RYR2: variants seen among roughly 807,000 people sequenced by gnomAD.
The protein encoded by RYR2 is cardiac muscle ryanodine receptor-calcium release channel.
RYR2 carries 227 observed loss-of-function variants against 601.1 expected under a neutral mutation model. The ratio of observed to expected loss-of-function variants is 0.38; its 90% confidence interval spans 0.34 to 0.42. The LOEUF is 0.42. Ranked by LOEUF, RYR2 falls within the 10% of genes least tolerant of loss-of-function variation. The probability of loss-of-function intolerance (pLI) is 1.00; values close to 1 mark genes in which losing one functional copy is unlikely to be tolerated. For synonymous variants in RYR2, 2,223 were observed against 2,175.1 expected (o/e 1.02, Z -0.61); for missense variants, 4,646 against 6,156.5 (o/e 0.75, Z 8.21).
intron 80 of RYR2, among the ~76,000 whole-genome samples, chr1:237,755,597 T>C (rs1692883735): frequency 6.6e-6 from 1 of 152,348 alleles, no homozygotes. Flanking sequence ...ATTTTATTTT[T>C]ATTTTCTTCT....
At position 237,388,116 on chromosome 1, in the gene RYR2, T is replaced by C. The variant is rs1032660273; in HGVS notation, c.706T>C (p.Leu236=). Residue 236 remains leucine, a synonymous_variant, in exon 10 of 105, where the codon TTG becomes CTG. Transcript: ENST00000366574. ...TCTCATTGGTGGTGATGTCCTCAGG[T>C]TGCTGCATGGACACATGGACGAGTG... ...GYLIGGDVLR[L]LHGHMDECLT... is the part of the protein sequence containing the mutation. The C allele has an allele frequency of 6.2e-7, 1 of 1,613,934 alleles. No individual in the cohort carries two copies. The highest frequency in any genetic ancestry group is 1.7e-5 in the Admixed American group (1 of 60,014).
intron 82 of RYR2, among the ~76,000 whole-genome samples, chr1:237,759,178 C>T (rs781302252): frequency 2.6e-5 from 4 of 152,164 alleles, no homozygotes; most frequent in Non-Finnish European, 5.9e-5. Flanking sequence ...CCTCCGCCTC[C>T]TGGGTTCAAG....
intron 2 of RYR2, among the ~76,000 whole-genome samples, chr1:237,310,153 C>A (rs867647568): frequency 6.6e-6 from 1 of 152,178 alleles, no homozygotes; most frequent in South Asian, 2.1e-4. Context: ...GCTGCCAGCA[C>A]GCTGTCACCT....
intron 29 of RYR2, among the ~76,000 whole-genome samples, chr1:237,584,521 C>G (rs2127156): frequency 6.6e-6 from 1 of 151,932 alleles, no homozygotes; most frequent in Non-Finnish European, 1.5e-5. Context: ...TAGAACAGTT[C>G]CTGGCACATG....
intron 18 of RYR2, among the ~76,000 whole-genome samples, chr1:237,492,368 T>C (rs1663457358): frequency 6.6e-6 from 1 of 152,226 alleles, no homozygotes. Flanking sequence ...TATTTTTTAG[T>C]GTTTATTCAT....
rs1668018562 is a variant in RYR2, at chr1:237,530,343, T to A, written c.2823-84T>A. ...AAAAAAAATTGTGCTTTCAAGGTTG[T>A]ATCTCATTGCTACTGCTGCTGTCTT... On this transcript the variant is annotated intron_variant, in intron 24 of 104. Coordinates refer to ENST00000366574, the MANE Select transcript of RYR2 (RefSeq NM_001035.3). 21 of 997,760 alleles carry A rather than the reference T, an allele frequency of 2.1e-5. No individual in the cohort carries two copies. In the South Asian group the frequency reaches 3.0e-4, roughly 14 times the overall value. 61.8% of individuals were successfully genotyped at this position (997,760 alleles called of 1,614,324 possible).
chr1:237,568,333 A>G (rs1672310900), intron 28 of RYR2, among the ~76,000 whole-genome samples: 1 of 152,212 alleles, frequency 6.6e-6, no homozygotes, highest in African/African-American at 2.4e-5. Context: ...GTACCGATTC[A>G]CAATGAAGGT....
In RYR2 at chr1:237,784,613, G is replaced by C. The variant is rs772007722; in HGVS notation, c.12901G>C (p.Val4301Leu). 1 of 1,613,874 alleles carries C rather than the reference G, an allele frequency of 6.2e-7. No individual in the cohort carries two copies. Among genetic ancestry groups the C allele is most frequent in the South Asian group, 1.1e-5 (1 of 91,068 alleles). The change falls in exon 90 of 105, where the codon GTT (valine) becomes CTT (leucine). Residue 4301 changes from valine to leucine, a missense_variant. This residue lies in a region of RYR2 where 364 missense variants were observed against 442.9 expected (regional missense o/e 0.82). Coordinates refer to ENST00000366574, the MANE Select transcript of RYR2 (RefSeq NM_001035.3). The surrounding 1 kb of genome is among the most constrained non-coding windows in gnomAD (Gnocchi z 7.1). Reference protein sequence around the residue: ...FMTLLHFVASVFRGFFRIICS... With the variant: ...FMTLLHFVASLFRGFFRIICS... Reference sequence around the variant, plus strand: ...GACCCTCTTGCACTTCGTGGCCAGCGTTTTCAGAGGCTTTTTCCGCATCAT... The same window carrying C: ...GACCCTCTTGCACTTCGTGGCCAGCCTTTTCAGAGGCTTTTTCCGCATCAT...
chr1:237,110,021 C>T (rs1316774742), intron 1 of RYR2, among the ~76,000 whole-genome samples: 3 of 152,150 alleles, frequency 2.0e-5, no homozygotes, highest in African/African-American at 7.2e-5. Flanking sequence ...AATCCCCCGG[C>T]CCCACTTTCT....
chr1:237,404,695 T>G (rs1016977188), intron 10 of RYR2, among the ~76,000 whole-genome samples: 3 of 152,186 alleles, frequency 2.0e-5, no homozygotes, highest in African/African-American at 7.2e-5. Flanking sequence ...GAAAGAATGT[T>G]GCAAATGTAA....
chr1:237,087,612 T>C (rs773265567), intron 1 of RYR2, among the ~76,000 whole-genome samples: 2 of 152,064 alleles, frequency 1.3e-5, no homozygotes, highest in African/African-American at 2.4e-5. Flanking sequence ...AAGCAGAAAA[T>C]GGCATTCGTA....
In RYR2 at chr1:237,466,787, T is replaced by C. The variant is rs1660132645; in HGVS notation, c.1613-2305T>C. 3.3e-5 allele frequency among the ~76,000 whole-genome samples: 5 copies of C among 152,006 alleles called. No homozygotes were observed. The South Asian group carries it at 1.0e-3, about 31-fold the overall frequency. On this transcript the variant is annotated intron_variant, in intron 16 of 104. Coordinates refer to ENST00000366574, the MANE Select transcript of RYR2 (RefSeq NM_001035.3). ...TTTTGGCCATTTACCATTGGTTGTGTTAGGTAGTATTCTAATTTTTGATAT... is the reference window on the plus strand; with the variant it reads ...TTTTGGCCATTTACCATTGGTTGTGCTAGGTAGTATTCTAATTTTTGATAT...
At chr1:237,646,281 C>T (rs1252532650) in intron 48 of RYR2, among the ~76,000 whole-genome samples, 2 of 151,608 alleles carry the variant, frequency 1.3e-5, no homozygotes, top group African/African-American at 4.8e-5. Flanking sequence ...ACGGAGGTTG[C>T]AGTGAGCCAC....
At chr1:237,442,658 A>G (rs570831888) in intron 13 of RYR2, among the ~76,000 whole-genome samples, 2 of 152,198 alleles carry the variant, frequency 1.3e-5, no homozygotes, top group Non-Finnish European at 2.9e-5. Flanking sequence ...TTAATGTAGA[A>G]CAAATTCTCA....
rs141174004 is a variant in RYR2, at chr1:237,455,763, C to T, written c.1477-837C>T. ...GAGATGACCTATCTAGAGACCTCAA[C>T]GGCACGAAAGCAAAAAAGTATCAAC... On this transcript the variant is annotated intron_variant, in intron 15 of 104. Coordinates refer to ENST00000366574, the MANE Select transcript of RYR2 (RefSeq NM_001035.3). Among the ~76,000 whole-genome samples the T allele has an allele frequency of 3.1e-3, 479 of 152,242 alleles. 8 individuals carry two copies. Among genetic ancestry groups the T allele is most frequent in the African/African-American group, 0.011 (439 of 41,560 alleles).
chr1:237,390,571 G>A (rs946992134), intron 10 of RYR2, among the ~76,000 whole-genome samples: 2 of 151,118 alleles, frequency 1.3e-5, no homozygotes, highest in Non-Finnish European at 2.9e-5. Flanking sequence ...AGCCAGATAT[G>A]ATTGAAAAGT....
chr1:237,177,378 T>C, intron 1 of RYR2, among the ~76,000 whole-genome samples: 1 of 152,244 alleles, frequency 6.6e-6, no homozygotes, highest in South Asian at 2.1e-4. Context: ...GAAGCATTAC[T>C]AACTTTCAGT....
chr1:237,691,394 G>A (rs1323142190), intron 63 of RYR2, among the ~76,000 whole-genome samples: 1 of 152,092 alleles, frequency 6.6e-6, no homozygotes, highest in Non-Finnish European at 1.5e-5. Context: ...ATTGTGGTGA[G>A]CAGAGTTTGA....
intron 2 of RYR2, among the ~76,000 whole-genome samples, chr1:237,312,829 C>G (rs1225925122): frequency 6.6e-6 from 1 of 152,128 alleles, no homozygotes; most frequent in Non-Finnish European, 1.5e-5. Flanking sequence ...TGAATTGCAA[C>G]AAAATCTTTT....
Sources: gnomAD v4.1 joint callset for allele counts (sites outside exome capture counted in the v4.1 genomes callset) on GRCh38, gnomAD v4.1.1 for gene constraint, gnomAD v4.1.1 regional missense constraint, Gnocchi (gnomAD v3.1) non-coding constraint, MANE v1.5 for transcripts, NCBI Gene and HGNC (gene_info 2026-07-23, HGNC 2026-07-21) for gene names.